The following FBXO34 variants were observed in gnomAD, a reference collection of about 807,000 sequenced individuals.
The protein encoded by FBXO34 is F-box only protein 34.
A neutral mutation model predicts 24.5 loss-of-function variants in FBXO34; 12 were observed. The ratio of observed to expected loss-of-function variants is 0.49; its 90% CI spans 0.31 to 0.79. The LOEUF (loss-of-function observed/expected upper bound fraction) is 0.79, where lower values mean the gene tolerates loss of function less well. Ranked by LOEUF, FBXO34 falls within the 30% of genes least tolerant of loss-of-function variation. The pLI is 0.04. For missense variants in FBXO34, 823 were observed against 857.7 expected, an observed-to-expected ratio of 0.96 and a Z score of 0.51; for synonymous variants, 320 against 311.9, an observed-to-expected ratio of 1.03 and a Z score of -0.27.
At position 55,331,580 on chromosome 14, in the gene FBXO34, CATG is replaced by C. The variant is rs1302102964; in HGVS notation, c.-10-18800_-10-18798del. On this transcript the variant is annotated intron_variant, in intron 1 of 1. Transcript: ENST00000313833. ...ATATATACACACACACACATACCAA[CATG>C]GTGTGTGTGTATATATATAAAAAAA... is the stretch of plus-strand genomic sequence containing the variant. Among the ~76,000 whole-genome samples, 2 of 139,834 alleles carry C rather than the reference CATG, an allele frequency of 1.4e-5. 1 individual carries two copies. Among genetic ancestry groups the C allele is most frequent in the East Asian group, 4.1e-4 (2 of 4,832 alleles). 91.7% of individuals were successfully genotyped at this position (139,834 alleles called of 152,430 possible).
In FBXO34 at chr14:55,351,977, G is replaced by C. The variant is rs1391491708; in HGVS notation, c.1587G>C (p.Glu529Asp). ...CTGAGGAAAAAAGTGGGTCTGCTGA[G>C]CCATTTGTACTGCCAGCCTCTTCTG... ...SASEEKSGSA[E>D]PFVLPASSVE... Residue 529 changes from glutamate (E) to aspartate (D), a missense_variant, in exon 2 of 2, where the codon GAG becomes GAC. Glu to Asp is a conservative substitution (Grantham distance 45). Transcript: ENST00000313833. The C allele has an allele frequency of 6.2e-7, 1 of 1,614,150 alleles. No homozygotes were observed. Among genetic ancestry groups the C allele is most frequent in the African/African-American group, 1.3e-5 (1 of 75,024 alleles).
chr14:55,404,875 C>T, the FBXO34 span, among the ~76,000 whole-genome samples: 1 of 152,106 alleles, frequency 6.6e-6, no homozygotes, highest in Admixed American at 6.6e-5. Flanking sequence ...CCACAACACC[C>T]CTGAGACTCA....
intron 1 of FBXO34, among the ~76,000 whole-genome samples, chr14:55,294,663 A>T (rs1882059989): frequency 6.6e-6 from 1 of 152,258 alleles, no homozygotes; most frequent in Non-Finnish European, 1.5e-5. Context: ...ATTATTTAAA[A>T]AGTAATTTTA....
At chr14:55,327,907 G>GT (rs1491167583) in intron 1 of FBXO34, among the ~76,000 whole-genome samples, 2 of 73,872 alleles carry the variant, frequency 2.7e-5, no homozygotes, top group African/African-American at 1.0e-4. Flanking sequence ...TGTTGTTGTT[G>GT]GTTTTTTTTT....
chr14:55,289,306 A>C (rs1881864202), intron 1 of FBXO34, among the ~76,000 whole-genome samples: 1 of 152,154 alleles, frequency 6.6e-6, no homozygotes, highest in Non-Finnish European at 1.5e-5. Flanking sequence ...TGAAATCTGC[A>C]TATACCAAAA....
At chr14:55,357,385 C>T (rs1013135741), downstream of FBXO34, among the ~76,000 whole-genome samples, 6 of 152,212 alleles carry the variant, frequency 3.9e-5, no homozygotes, top group Admixed American at 3.9e-4. Context: ...TTTACCCTTT[C>T]TCCCAGAGGC....
At chr14:55,426,820 C>T in the FBXO34 span, among the ~76,000 whole-genome samples, 2 of 152,198 alleles carry the variant, frequency 1.3e-5, no homozygotes, top group Admixed American at 6.5e-5. Flanking sequence ...ATTCTCACTG[C>T]GCCTTACTGG....
At chr14:55,333,623 A>G (rs953391044) in intron 1 of FBXO34, among the ~76,000 whole-genome samples, 2 of 152,182 alleles carry the variant, frequency 1.3e-5, no homozygotes, top group Admixed American at 6.5e-5. Context: ...CCTTAAAGAT[A>G]GAAGTATTTT....
the FBXO34 span, among the ~76,000 whole-genome samples, chr14:55,429,261 C>T: frequency 2.6e-5 from 4 of 152,192 alleles, no homozygotes; most frequent in Admixed American, 6.5e-5. Context: ...TTTGCTAAAA[C>T]GATTCCAAGG....
the FBXO34 span, among the ~76,000 whole-genome samples, chr14:55,386,882 A>T: frequency 5.9e-5 from 9 of 152,200 alleles, no homozygotes; most frequent in Admixed American, 1.3e-4. Context: ...TTGCTTAGGC[A>T]ACTTAAACCC....
chr14:55,279,132 C>G (rs1452457289), intron 1 of FBXO34, among the ~76,000 whole-genome samples: 2 of 151,948 alleles, frequency 1.3e-5, no homozygotes, highest in African/African-American at 2.4e-5. Flanking sequence ...ACTAAAAATA[C>G]AAAAATTAGC....
chr14:55,313,832 G>A (rs770924844), intron 1 of FBXO34, among the ~76,000 whole-genome samples: 7 of 152,134 alleles, frequency 4.6e-5, no homozygotes, highest in African/African-American at 1.2e-4. Context: ...CTTGACATGC[G>A]GAGATTATGG....
chr14:55,371,648 C>CA (rs997483117), downstream of FBXO34, among the ~76,000 whole-genome samples: 34 of 152,050 alleles, frequency 2.2e-4, no homozygotes, highest in African/African-American at 8.0e-4. Context: ...ACTAAAAATA[C>CA]AAAAAATTAG....
At chr14:55,383,794 A>G in the FBXO34 span, among the ~76,000 whole-genome samples, 1 of 152,142 alleles carries the variant, frequency 6.6e-6, no homozygotes, top group African/African-American at 2.4e-5. Context: ...ATGAGAAGTC[A>G]CAGCAGGTAC....
At chr14:55,367,889 AC>A (rs1884717624) in exon 3 of FBXO34, 1 of 152,472 alleles carries the variant, frequency 6.6e-6, no homozygotes, top group Non-Finnish European at 1.5e-5. Flanking sequence ...CACCAAATAT[AC>A]CATTAGCAAA....
At chr14:55,311,938 C>T (rs1345868201) in intron 1 of FBXO34, among the ~76,000 whole-genome samples, 6 of 152,084 alleles carry the variant, frequency 3.9e-5, no homozygotes, top group Admixed American at 6.5e-5. Context: ...CAGTGGCTCA[C>T]GTCTGTAATC....
At chr14:55,401,761 A>G in the FBXO34 span, among the ~76,000 whole-genome samples, 1 of 152,180 alleles carries the variant, frequency 6.6e-6, no homozygotes, top group Admixed American at 6.5e-5. Flanking sequence ...CCCCAGTGGC[A>G]CCAGAGAAAG....
the FBXO34 span, among the ~76,000 whole-genome samples, chr14:55,411,406 G>T: frequency 6.6e-6 from 1 of 152,182 alleles, no homozygotes; most frequent in East Asian, 1.9e-4. Flanking sequence ...GGGAAACGGC[G>T]ACCTTCCCTC....
the FBXO34 span, chr14:55,390,937 C>T: frequency 1.2e-6 from 2 of 1,603,722 alleles, no homozygotes; most frequent in South Asian, 1.1e-5. Context: ...ATTTCCTTTA[C>T]ATATTGTTTG....
Sources: allele counts gnomAD v4.1 joint callset (sites outside exome capture counted in the v4.1 genomes callset), GRCh38; gene constraint gnomAD v4.1.1; transcripts MANE v1.5; gene names NCBI Gene and HGNC (gene_info 2026-07-23, HGNC 2026-07-21).